GNA12: variants seen among roughly 807,000 people sequenced by gnomAD.
GNA12 encodes the protein G protein subunit alpha 12, also known as guanine nucleotide-binding protein subunit alpha-12.
In GNA12, 9 loss-of-function variants were observed where a neutral mutation model predicts 26.0. The observed-to-expected ratio is 0.35, with a 90% CI of 0.21 to 0.60. The LOEUF is 0.60. Ranked by LOEUF, GNA12 falls within the 20% of genes least tolerant of loss-of-function variation. GNA12 has a pLI of 0.78. For missense variants in GNA12, 405 were observed against 525.8 expected (o/e 0.77, Z 2.25); for synonymous variants, 264 against 219.6 (o/e 1.20, Z -1.79).
intron 2 of GNA12, among the ~76,000 whole-genome samples, chr7:2,745,461 G>A (rs1790720519): frequency 6.6e-6 from 1 of 152,146 alleles, no homozygotes; most frequent in Non-Finnish European, 1.5e-5. Flanking sequence ...TTACAGACAA[G>A]CAAATGCTGA....
At chr7:2,820,567 TGAAAAA>T (rs1381511929) in intron 1 of GNA12, among the ~76,000 whole-genome samples, 6 of 151,848 alleles carry the variant, frequency 4.0e-5, no homozygotes, top group African/African-American at 1.5e-4. Flanking sequence ...GCTAAAAAAT[TGAAAAA>T]GAAAGTCCCA....
intron 1 of GNA12, chr7:2,815,053 C>T (rs1320432128): frequency 2.3e-5 from 34 of 1,476,382 alleles, no homozygotes; most frequent in East Asian, 5.0e-5. Context: ...CACCAAGCGC[C>T]GCCACTGTGG....
At chr7:2,810,545 C>T (rs1165711669) in intron 1 of GNA12, among the ~76,000 whole-genome samples, 1 of 152,100 alleles carries the variant, frequency 6.6e-6, no homozygotes, top group Non-Finnish European at 1.5e-5. Context: ...TGGGTTTTGT[C>T]AATAATTTTT....
At chr7:2,738,796 C>T (rs563749335) in intron 2 of GNA12, among the ~76,000 whole-genome samples, 48 of 152,312 alleles carry the variant, frequency 3.2e-4, no homozygotes, top group South Asian at 1.4e-3. Context: ...AGGTTAGAGG[C>T]GGAACCTAGA....
At chr7:2,756,430 G>C (rs1276163997) in intron 2 of GNA12, among the ~76,000 whole-genome samples, 1 of 152,150 alleles carries the variant, frequency 6.6e-6, no homozygotes, top group Non-Finnish European at 1.5e-5. Context: ...CTGGGCAATA[G>C]AGTGAGACCT....
In GNA12 at chr7:2,731,081, G is replaced by A. The variant is rs917980549; in HGVS notation, c.*100C>T. The A allele has an allele frequency of 8.9e-6, 7 of 787,394 alleles. No individual in the cohort carries two copies. The highest frequency in any genetic ancestry group is 2.9e-4 in the Middle Eastern group (1 of 3,504). 48.8% of individuals were successfully genotyped at this position (787,394 alleles called of 1,614,324 possible). ...GCCAGGTATTCCAGGGCACGGATCCGAGAAACCCACTCAAGGACCACACAG... is the reference window on the plus strand; with the variant it reads ...GCCAGGTATTCCAGGGCACGGATCCAAGAAACCCACTCAAGGACCACACAG... On this transcript the variant is annotated 3_prime_UTR_variant, in exon 4 of 4. Coordinates refer to ENST00000275364, the MANE Select transcript of GNA12 (RefSeq NM_007353.3). This position sits in a 1 kb window ranked among gnomAD's most constrained non-coding sequence, Gnocchi z 6.0.
chr7:2,736,872 C>T (rs1790208076), intron 2 of GNA12, among the ~76,000 whole-genome samples: 1 of 152,260 alleles, frequency 6.6e-6, no homozygotes, highest in South Asian at 2.1e-4. Flanking sequence ...CACGCACTTC[C>T]TTCAGCTAAT....
At chr7:2,839,402 G>A (rs1778926883) in intron 1 of GNA12, among the ~76,000 whole-genome samples, 1 of 152,046 alleles carries the variant, frequency 6.6e-6, no homozygotes, top group African/African-American at 2.4e-5. Flanking sequence ...GTTTGTTTTT[G>A]AAATGGAGTC....
intron 1 of GNA12, among the ~76,000 whole-genome samples, chr7:2,824,778 G>A (rs573315637): frequency 1.3e-4 from 20 of 152,166 alleles, no homozygotes; most frequent in South Asian, 6.2e-4. Context: ...AAATCAAACC[G>A]CAATAAAAAA....
chr7:2,743,016 G>A (rs142898015), intron 2 of GNA12, among the ~76,000 whole-genome samples: 1 of 152,200 alleles, frequency 6.6e-6, no homozygotes, highest in African/African-American at 2.4e-5. Flanking sequence ...CATTCAGACA[G>A]AAAGCCTACC....
At position 2,763,590 on chromosome 7, in the gene GNA12, A is replaced by T. The variant is rs572335079; in HGVS notation, c.526-30089T>A. ...CTAAGGCTAGCTCGAAACAAAAAAC[A>T]ATTATTTTAAGGTCTAAAATATGCA... On this transcript the variant is annotated intron_variant, in intron 2 of 3. Transcript: ENST00000275364. Among the ~76,000 whole-genome samples the T allele has an allele frequency of 8.4e-4, 128 of 152,338 alleles. 1 individual carries two copies. Among genetic ancestry groups the T allele is most frequent in the African/African-American group, 2.9e-3 (120 of 41,570 alleles).
chr7:2,825,226 G>A (rs527518411), intron 1 of GNA12, among the ~76,000 whole-genome samples: 50 of 152,326 alleles, frequency 3.3e-4, no homozygotes, highest in African/African-American at 1.1e-3. Flanking sequence ...ATCCTGGGGC[G>A]TGGGAGGGGA....
chr7:2,814,884 C>T (rs1216916048), intron 1 of GNA12: 1 of 1,602,626 alleles, frequency 6.2e-7, no homozygotes, highest in Non-Finnish European at 8.5e-7. Flanking sequence ...CACACGACTG[C>T]CAGGCATCCT....
At chr7:2,814,252 A>G (rs1041314269) in intron 1 of GNA12, 2 of 881,088 alleles carry the variant, frequency 2.3e-6, no homozygotes, top group Non-Finnish European at 2.0e-6. Flanking sequence ...GCTTCTTTGG[A>G]GAATCCTGAC....
intron 2 of GNA12, among the ~76,000 whole-genome samples, chr7:2,750,690 G>A (rs1349600971): frequency 6.6e-6 from 1 of 152,198 alleles, no homozygotes; most frequent in African/African-American, 2.4e-5. Context: ...TGAAGCCACG[G>A]ACACGGGGGA....
At chr7:2,801,781 T>C (rs1318284628) in intron 1 of GNA12, among the ~76,000 whole-genome samples, 1 of 152,226 alleles carries the variant, frequency 6.6e-6, no homozygotes, top group Non-Finnish European at 1.5e-5. Context: ...AACTTTGTTC[T>C]GAAAATCCAC....
intron 2 of GNA12, among the ~76,000 whole-genome samples, chr7:2,782,200 G>T (rs1212000806): frequency 6.6e-6 from 1 of 152,092 alleles, no homozygotes; most frequent in Non-Finnish European, 1.5e-5. Flanking sequence ...AACATAAAAA[G>T]AAAATGTAGG....
chr7:2,735,528 G>C (rs1248668824), intron 2 of GNA12, among the ~76,000 whole-genome samples: 3 of 152,152 alleles, frequency 2.0e-5, no homozygotes, highest in Non-Finnish European at 4.4e-5. Flanking sequence ...GGACAAGCTC[G>C]ATGGGAAGCA....
chr7:2,833,686 G>C (rs1778747292), intron 1 of GNA12, among the ~76,000 whole-genome samples: 1 of 152,154 alleles, frequency 6.6e-6, no homozygotes, highest in Admixed American at 6.5e-5. Context: ...GTATGTCAAA[G>C]CATAAGGTAA....
Sources: gnomAD v4.1 joint callset for allele counts (sites outside exome capture counted in the v4.1 genomes callset) on GRCh38, gnomAD v4.1.1 for gene constraint, Gnocchi (gnomAD v3.1) non-coding constraint, MANE v1.5 for transcripts, NCBI Gene and HGNC (gene_info 2026-07-23, HGNC 2026-07-21) for gene names.